Variants in KCNJ6 observed in about 807,000 individuals in gnomAD.
The protein encoded by KCNJ6 is potassium inwardly rectifying channel subfamily J member 6.
A neutral mutation model predicts 34.2 loss-of-function variants in KCNJ6; 9 were observed. That is an observed-to-expected ratio of 0.26 (90% CI 0.16 to 0.46). KCNJ6 has a LOEUF of 0.46. Ranked by LOEUF, KCNJ6 falls within the 20% of genes least tolerant of loss-of-function variation. The pLI is 1.00. For synonymous variants in KCNJ6, 196 were observed against 207.1 expected, an observed-to-expected ratio of 0.95 and a Z score of 0.46; for missense variants, 236 against 531.3, an observed-to-expected ratio of 0.44 and a Z score of 5.46.
intron 3 of KCNJ6, among the ~76,000 whole-genome samples, chr21:37,713,950 G>A (rs1356630809): frequency 1.3e-5 from 2 of 151,930 alleles, no homozygotes; most frequent in African/African-American, 2.4e-5. Flanking sequence ...GTAAATATTT[G>A]GAGACTTAAA....
intron 3 of KCNJ6, among the ~76,000 whole-genome samples, chr21:37,647,522 A>G (rs1029783991): frequency 3.3e-5 from 5 of 152,062 alleles, no homozygotes; most frequent in African/African-American, 1.2e-4. Context: ...ATGCAAACCA[A>G]TGGCTCCAGG....
chr21:37,865,915 A>G (rs1390246938), intron 1 of KCNJ6, among the ~76,000 whole-genome samples: 2 of 152,244 alleles, frequency 1.3e-5, no homozygotes, highest in South Asian at 4.1e-4. Flanking sequence ...TCATCAGCAC[A>G]TGAAACTCTC....
At chr21:37,721,077 TTAACAAAAA>T in intron 2 of KCNJ6, among the ~76,000 whole-genome samples, 1 of 152,180 alleles carries the variant, frequency 6.6e-6, no homozygotes, top group East Asian at 1.9e-4. Flanking sequence ...CTCTTACACC[TTAACAAAAA>T]ATAAACAACC....
intron 3 of KCNJ6, among the ~76,000 whole-genome samples, chr21:37,659,243 C>A (rs954387973): frequency 6.6e-6 from 1 of 152,136 alleles, no homozygotes; most frequent in Admixed American, 6.5e-5. Context: ...TCCACAAGAA[C>A]GATGTGTCAC....
At chr21:37,633,658 A>G (rs974632700) in intron 3 of KCNJ6, among the ~76,000 whole-genome samples, 44 of 152,270 alleles carry the variant, frequency 2.9e-4, no homozygotes, top group African/African-American at 9.9e-4. Context: ...GTATCTTTTT[A>G]TATACCAGCA....
Position 37,809,676 on chromosome 21 carries a change from T to C in KCNJ6, c.25+30982A>G, listed in dbSNP as rs1483401973. On this transcript the variant is annotated intron_variant, in intron 2 of 3. Coordinates refer to ENST00000609713, the MANE Select transcript of KCNJ6 (RefSeq NM_002240.5). ...AAATCTCAGTATCTGGGATTTGGGC[T>C]ATTCATCATCTCCATTTTCTCCTCC... 3.3e-5 allele frequency among the ~76,000 whole-genome samples: 5 copies of C among 152,360 alleles called. No individual in the cohort carries two copies. In the East Asian group the frequency reaches 7.7e-4, roughly 24 times the overall value.
intron 2 of KCNJ6, among the ~76,000 whole-genome samples, chr21:37,767,886 T>C (rs1388005113): frequency 6.6e-6 from 1 of 152,230 alleles, no homozygotes; most frequent in Admixed American, 6.5e-5. Flanking sequence ...ATTTTAGCTT[T>C]AACTGTTGTT....
chr21:37,898,138 A>G (rs756841941), intron 1 of KCNJ6, among the ~76,000 whole-genome samples: 4 of 152,196 alleles, frequency 2.6e-5, no homozygotes, highest in Non-Finnish European at 4.4e-5. Context: ...GGGCCACCAC[A>G]CATGGTGTGT....
chr21:37,909,077 C>T (rs1269021071), intron 1 of KCNJ6, among the ~76,000 whole-genome samples: 1 of 152,216 alleles, frequency 6.6e-6, no homozygotes, highest in Non-Finnish European at 1.5e-5. Context: ...CTTTCCTTGT[C>T]TGCTAGTTGG....
At chr21:37,851,190 T>C (rs1485615638) in intron 1 of KCNJ6, among the ~76,000 whole-genome samples, 1 of 152,122 alleles carries the variant, frequency 6.6e-6, no homozygotes, top group Non-Finnish European at 1.5e-5. Flanking sequence ...TCCAGGGAAG[T>C]GGTGTGGTTG....
intron 1 of KCNJ6, among the ~76,000 whole-genome samples, chr21:37,900,364 G>C (rs2055810724): frequency 6.6e-6 from 1 of 152,186 alleles, no homozygotes; most frequent in Non-Finnish European, 1.5e-5. Flanking sequence ...CCACCACAAT[G>C]ATAGTCTATG....
In KCNJ6 at chr21:37,619,529, A is replaced by G. The variant is rs1380590624; in HGVS notation, c.*5630T>C. The G allele has an allele frequency of 1.3e-5, 2 of 152,336 alleles. No individual in the cohort carries two copies. The highest frequency in any genetic ancestry group is 4.8e-5 in the African/African-American group (2 of 41,570). 9.4% of individuals were successfully genotyped at this position (152,336 alleles called of 1,614,324 possible). A position where few individuals can be genotyped will look rare whatever the true frequency, so the allele number is the denominator to read the frequency against. ...AACTTCTAGCTTAGTGGCTAGAGAG[A>G]GCAAAAACTAGCGCAATTAAACATG... On this transcript the variant is annotated 3_prime_UTR_variant, in exon 4 of 4. Transcript: ENST00000609713.
chr21:37,693,671 A>G (rs2054650666), intron 3 of KCNJ6, among the ~76,000 whole-genome samples: 2 of 152,314 alleles, frequency 1.3e-5, no homozygotes, highest in South Asian at 4.1e-4. Flanking sequence ...AAAAGCAGAA[A>G]CACTATTGGA....
At position 37,609,116 on chromosome 21, in the gene KCNJ6, T is replaced by C. The variant is rs796799525; in HGVS notation, c.*16043A>G. 1.3e-5 allele frequency: 2 copies of C among 152,328 alleles called. No individual in the cohort carries two copies. Among genetic ancestry groups the C allele is most frequent in the African/African-American group, 4.8e-5 (2 of 41,576 alleles). The allele number at this position is 152,328 out of a possible 1,614,324, so 9.4% of individuals were successfully genotyped here. On this transcript the variant is annotated 3_prime_UTR_variant, in exon 4 of 4. Coordinates refer to ENST00000609713, the MANE Select transcript of KCNJ6 (RefSeq NM_002240.5). ...CCTGAAAAAATTTCTGGAGACAAAG[T>C]TGAGGATCAAGTATCATCTGTGCTT...
chr21:37,619,889 G>A lies in KCNJ6; in HGVS notation c.*5270C>T, dbSNP rs1259950345. 1 of 152,168 alleles carries A rather than the reference G, an allele frequency of 6.6e-6. No homozygotes were observed. Among genetic ancestry groups the A allele is most frequent in the Non-Finnish European group, 1.5e-5 (1 of 68,042 alleles). The allele number at this position is 152,168 out of a possible 1,614,324, so 9.4% of individuals were successfully genotyped here. A position where few individuals can be genotyped will look rare whatever the true frequency, so the allele number is the denominator to read the frequency against. On this transcript the variant is annotated 3_prime_UTR_variant, in exon 4 of 4. Coordinates refer to ENST00000609713, the MANE Select transcript of KCNJ6 (RefSeq NM_002240.5). ...TAATTTTACTGTATCCACTTTCTGA[G>A]TTGACCGCTAGATCCTGGCTGGCTG...
At chr21:37,672,506 T>G (rs2054546687) in intron 3 of KCNJ6, among the ~76,000 whole-genome samples, 2 of 152,158 alleles carry the variant, frequency 1.3e-5, no homozygotes, top group Admixed American at 6.5e-5. Context: ...TTTGGTTGTA[T>G]GAGCTAAGAC....
chr21:37,766,985 C>T (rs1429750909), intron 2 of KCNJ6, among the ~76,000 whole-genome samples: 1 of 152,204 alleles, frequency 6.6e-6, no homozygotes, highest in Non-Finnish European at 1.5e-5. Flanking sequence ...CCCCACATCC[C>T]CTGATCTGTG....
At chr21:37,817,193 G>T (rs1051902042) in intron 2 of KCNJ6, among the ~76,000 whole-genome samples, 10 of 152,238 alleles carry the variant, frequency 6.6e-5, no homozygotes, top group African/African-American at 2.4e-4. Flanking sequence ...TTAGAATCAC[G>T]GCGAGGTGCT....
intron 2 of KCNJ6, among the ~76,000 whole-genome samples, chr21:37,718,624 C>T (rs1305249122): frequency 1.3e-5 from 2 of 151,102 alleles, no homozygotes; most frequent in East Asian, 3.9e-4. Context: ...AATGAGAACA[C>T]TTGGATGCAG....
Sources: allele counts gnomAD v4.1 joint callset (sites outside exome capture counted in the v4.1 genomes callset), GRCh38; gene constraint gnomAD v4.1.1; transcripts MANE v1.5; gene names NCBI Gene and HGNC (gene_info 2026-07-23, HGNC 2026-07-21).